The following ATG4C variants were observed in gnomAD, a reference collection of about 807,000 sequenced individuals.
ATG4C encodes autophagy related 4C cysteine peptidase.
In ATG4C, 56 loss-of-function variants were observed where a neutral mutation model predicts 57.6. The observed-to-expected ratio is 0.97, with a 90% CI of 0.78 to 1.21. The LOEUF (loss-of-function observed/expected upper bound fraction) is 1.21. ATG4C is among the 50% of genes most tolerant of loss of function. ATG4C has a pLI of 0.00. For synonymous variants in ATG4C, 157 were observed against 174.1 expected, an observed-to-expected ratio of 0.90 and a Z score of 0.78; for missense variants, 595 against 529.8, an observed-to-expected ratio of 1.12 and a Z score of -1.21.
At chr1:62,795,548 A>G (rs1431313444) in intron 1 of ATG4C, among the ~76,000 whole-genome samples, 3 of 152,250 alleles carry the variant, frequency 2.0e-5, no homozygotes, top group African/African-American at 4.8e-5. Flanking sequence ...CTTTAATACT[A>G]TTAGCATCTA....
At position 62,819,067 on chromosome 1, in the gene ATG4C, A is replaced by G. The variant is rs1387857219; in HGVS notation, c.457A>G (p.Thr153Ala). The G allele has an allele frequency of 6.2e-7, 1 of 1,606,558 alleles. No homozygotes were observed. The highest frequency in any genetic ancestry group is 8.5e-7 in the Non-Finnish European group (1 of 1,176,450). ...AGACTCTGAATCATGGACTTCCCAC[A>G]CTGTCAAAAAATTTACTGCATCATT... ...NSDSESWTSH[T>A]VKKFTASFEA... Residue 153 changes from threonine (T) to alanine (A), a missense_variant, in exon 5 of 11, where the codon ACT (threonine) becomes GCT (alanine). Transcript: ENST00000317868.
rs546310737 is a variant in ATG4C at position 62,829,341 on chromosome 1, C to T, written c.933+165C>T. On this transcript the variant is annotated intron_variant, in intron 7 of 10. Coordinates refer to ENST00000317868, the MANE Select transcript of ATG4C (RefSeq NM_032852.4). ...ATTTTAAATTTTGGTATTATAAGACCAATGTGAGTTGAAGAGCACAGTGTT... is the reference window on the plus strand; with the variant it reads ...ATTTTAAATTTTGGTATTATAAGACTAATGTGAGTTGAAGAGCACAGTGTT... 3.9e-5 allele frequency among the ~76,000 whole-genome samples: 6 copies of T among 152,026 alleles called. No homozygotes were observed. In the South Asian group the frequency reaches 1.0e-3, roughly 26 times the overall value.
At chr1:62,853,272 A>T (rs56708934) in intron 10 of ATG4C, among the ~76,000 whole-genome samples, 1 of 152,098 alleles carries the variant, frequency 6.6e-6, no homozygotes. Flanking sequence ...TCCCAACTCC[A>T]TCACCTAATT....
chr1:62,852,869 A>C lies in ATG4C; in HGVS notation c.1210-11123A>C, dbSNP rs139637257. ...GGAGATTTGCTCATTTCTGTTTTCT[A>C]TTCACTCTCACCTTAACTGTTCTCC... On this transcript the variant is annotated intron_variant, in intron 10 of 10. Transcript: ENST00000317868. 8.3e-4 allele frequency among the ~76,000 whole-genome samples: 125 copies of C among 151,390 alleles called. No individual in the cohort carries two copies. The South Asian group carries it at 0.025, about 31-fold the overall frequency.
chr1:62,789,220 T>C (rs1179002267), intron 1 of ATG4C, among the ~76,000 whole-genome samples: 10 of 152,364 alleles, frequency 6.6e-5, no homozygotes, highest in African/African-American at 2.4e-4. Flanking sequence ...CTTTCTCTTT[T>C]TTATTTTAGT....
chr1:62,845,370 A>G (rs112555454), intron 10 of ATG4C, among the ~76,000 whole-genome samples: 291 of 152,200 alleles, frequency 1.9e-3, no homozygotes, highest in African/African-American at 6.3e-3. Flanking sequence ...ATCAAAGTTT[A>G]TTGGCCCATT....
intron 10 of ATG4C, among the ~76,000 whole-genome samples, chr1:62,848,005 C>T (rs1034836649): frequency 6.6e-6 from 1 of 152,170 alleles, no homozygotes; most frequent in Non-Finnish European, 1.5e-5. Flanking sequence ...CTCCCTACCT[C>T]CCCTCATGTC....
At chr1:62,817,481 GA>G (rs55710253) in intron 4 of ATG4C, among the ~76,000 whole-genome samples, 21,988 of 152,052 alleles carry the variant, frequency 0.14, 1,685 homozygotes, top group South Asian at 0.2. Context: ...GAGTAGCTGG[GA>G]CCACAGGTGC....
At chr1:62,862,556 A>G (rs1020446886) in intron 10 of ATG4C, among the ~76,000 whole-genome samples, 2 of 152,052 alleles carry the variant, frequency 1.3e-5, no homozygotes, top group African/African-American at 4.8e-5. Context: ...TTTTCATTTT[A>G]CACATTTTTG....
chr1:62,788,559 T>C (rs1210642613), intron 1 of ATG4C, among the ~76,000 whole-genome samples: 1 of 152,176 alleles, frequency 6.6e-6, no homozygotes, highest in Non-Finnish European at 1.5e-5. Context: ...CACATTCTCT[T>C]ATATAACTAT....
chr1:62,849,272 T>G (rs1666426927), intron 10 of ATG4C, among the ~76,000 whole-genome samples: 1 of 152,084 alleles, frequency 6.6e-6, no homozygotes, highest in Admixed American at 6.6e-5. Flanking sequence ...AAAAATGAAT[T>G]GTTTGGGAGG....
rs57225222 is a variant in ATG4C at position 62,861,576 on chromosome 1, AACACACAC to A, written c.1210-2372_1210-2365del. 3.7e-3 allele frequency among the ~76,000 whole-genome samples: 496 copies of A among 133,548 alleles called. 2 individuals are homozygous for A. The highest frequency in any genetic ancestry group is 8.8e-3 in the African/African-American group (307 of 34,998). The allele number at this position is 133,548 out of a possible 152,430, so 87.6% of individuals were successfully genotyped here. The stretch of plus-strand genomic sequence containing the variant: ...CAGAAGAAAGAAGCTTGGAAAATAG[AACACACAC>A]ACACACACACACACACACACACACA... On this transcript the variant is annotated intron_variant, in intron 10 of 10. Coordinates refer to ENST00000317868, the MANE Select transcript of ATG4C (RefSeq NM_032852.4).
At chr1:62,811,144 C>T (rs1343563580) in intron 3 of ATG4C, among the ~76,000 whole-genome samples, 2 of 152,202 alleles carry the variant, frequency 1.3e-5, no homozygotes, top group Non-Finnish European at 2.9e-5. Context: ...TAGCGGCTTT[C>T]AGCCACAGTG....
chr1:62,860,357 TAA>T (rs750046535), intron 10 of ATG4C, among the ~76,000 whole-genome samples: 105 of 152,340 alleles, frequency 6.9e-4, no homozygotes, highest in Non-Finnish European at 1.3e-3. Flanking sequence ...CTTAAACCAC[TAA>T]GTCATTTATT....
chr1:62,785,335 C>A (rs1191070651), intron 1 of ATG4C: 1 of 152,070 alleles, frequency 6.6e-6, no homozygotes, highest in African/African-American at 2.4e-5. Flanking sequence ...CTATTTAGTC[C>A]AATAATCTGA....
chr1:62,838,346 A>G (rs982904889), intron 9 of ATG4C, among the ~76,000 whole-genome samples: 3 of 152,224 alleles, frequency 2.0e-5, no homozygotes, highest in Admixed American at 6.5e-5. Flanking sequence ...TCTTAAGTGC[A>G]TAGCTCAAAA....
chr1:62,812,321 A>G (rs10749735), intron 3 of ATG4C, among the ~76,000 whole-genome samples: 76,681 of 151,942 alleles, frequency 0.5, 20,104 homozygotes, highest in East Asian at 0.67. Context: ...TTCAACATAC[A>G]CAAATCAATA....
At chr1:62,830,153 TA>T in intron 7 of ATG4C, among the ~76,000 whole-genome samples, 1 of 152,234 alleles carries the variant, frequency 6.6e-6, no homozygotes, top group East Asian at 1.9e-4. Context: ...TAATAGTTAC[TA>T]AAATTTTGGA....
intron 6 of ATG4C, among the ~76,000 whole-genome samples, chr1:62,826,878 T>G (rs1665679366): frequency 6.6e-6 from 1 of 151,960 alleles, no homozygotes; most frequent in Non-Finnish European, 1.5e-5. Flanking sequence ...TTGCTCATAA[T>G]GGAAAGCCAC....
Sources: gnomAD v4.1 joint callset for allele counts (sites outside exome capture counted in the v4.1 genomes callset) on GRCh38, gnomAD v4.1.1 for gene constraint, MANE v1.5 for transcripts, NCBI Gene and HGNC (gene_info 2026-07-23, HGNC 2026-07-21) for gene names.